Variants in ZFHX3 observed in about 807,000 individuals in gnomAD.
The protein encoded by ZFHX3 is zinc finger homeobox protein 3.
In ZFHX3, 42 loss-of-function variants were observed where a neutral mutation model predicts 279.1. That is an observed-to-expected ratio of 0.15 (90% CI 0.12 to 0.19). The LOEUF (loss-of-function observed/expected upper bound fraction) is 0.19. Among genes scored for constraint, ZFHX3 ranks in the 10% least tolerant of loss-of-function variants. The pLI, the probability that ZFHX3 is intolerant of heterozygous loss-of-function variation, is 1.00. For missense variants in ZFHX3, 4,981 were observed against 4,754.0 expected, an observed-to-expected ratio of 1.05 and a Z score of -1.40; for synonymous variants, 2,293 against 1,957.8, an observed-to-expected ratio of 1.17 and a Z score of -4.52.
Position 73,352,363 on chromosome 16 carries a change from T to C in ZFHX3, c.-1290-34027A>G, listed in dbSNP as rs146767894. 6.8e-4 allele frequency among the ~76,000 whole-genome samples: 104 copies of C among 152,236 alleles called. 1 individual carries two copies. The East Asian group carries it at 0.019, about 29-fold the overall frequency. On this transcript the variant is annotated intron_variant, in intron 3 of 17. Transcript: ENST00000641206. ...TAGCTTGACCTCTCTGTGCCTGGAC[T>C]GCATTTCTTCATCTTTGAAATGAGG...
chr16:73,709,028 G>A (rs1034151081), intron 1 of ZFHX3, among the ~76,000 whole-genome samples: 11 of 152,042 alleles, frequency 7.2e-5, no homozygotes, highest in Non-Finnish European at 1.5e-4. Context: ...ATTTTGGGGT[G>A]TCATTTCCTG....
chr16:73,362,247 G>A (rs761635890), intron 3 of ZFHX3, among the ~76,000 whole-genome samples: 8 of 152,198 alleles, frequency 5.3e-5, no homozygotes, highest in Non-Finnish European at 8.8e-5. Flanking sequence ...GAGGCACAAT[G>A]TTTTGTCTGA....
chr16:73,848,763 G>A (rs754002004), intron 1 of ZFHX3, among the ~76,000 whole-genome samples: 4 of 152,236 alleles, frequency 2.6e-5, no homozygotes, highest in Admixed American at 6.5e-5. Flanking sequence ...TTAGTACATC[G>A]CTATGAAGTA....
rs1295449104 is a variant in ZFHX3, at chr16:72,787,895, C to T, written c.10381G>A (p.Val3461Met). 1 of 1,614,072 alleles carries T rather than the reference C, an allele frequency of 6.2e-7. No individual in the cohort carries two copies. Among genetic ancestry groups the T allele is most frequent in the South Asian group, 1.1e-5 (1 of 91,080 alleles). The change falls in exon 10 of 10, where the codon GTG becomes ATG. Residue 3461 changes from valine (V) to methionine (M), a missense_variant. Transcript: ENST00000268489. ...SLYDPFIVPKVQYKLVCRKCQ... is the reference protein window; with the variant it reads ...SLYDPFIVPKMQYKLVCRKCQ... ...TTGCGGCAGACCAACTTGTACTGCA[C>T]CTTTGGAACAATGAAGGGGTCGTAG...
intron 1 of ZFHX3, among the ~76,000 whole-genome samples, chr16:72,990,092 A>G (rs746421495): frequency 6.6e-6 from 1 of 152,050 alleles, no homozygotes; most frequent in Non-Finnish European, 1.5e-5. Flanking sequence ...TGTTCAAATC[A>G]AAAAGCGCTA....
chr16:73,278,328 G>A (rs527399086), intron 4 of ZFHX3, among the ~76,000 whole-genome samples: 36 of 152,276 alleles, frequency 2.4e-4, no homozygotes, highest in Non-Finnish European at 3.7e-4. Context: ...TAATCCCAGC[G>A]TGCATGTTTT....
intron 3 of ZFHX3, among the ~76,000 whole-genome samples, chr16:73,358,573 C>T (rs901588976): frequency 2.0e-5 from 3 of 152,200 alleles, no homozygotes; most frequent in African/African-American, 7.2e-5. Flanking sequence ...CAGATTCCTG[C>T]CCTGTAGAAG....
chr16:73,164,817 C>T (rs763358438), intron 5 of ZFHX3, among the ~76,000 whole-genome samples: 17 of 152,072 alleles, frequency 1.1e-4, no homozygotes, highest in Non-Finnish European at 2.4e-4. Flanking sequence ...GTGTTTAATC[C>T]TCACAATGAC....
intron 2 of ZFHX3, among the ~76,000 whole-genome samples, chr16:73,571,376 T>C (rs1387526351): frequency 6.6e-6 from 1 of 152,206 alleles, no homozygotes; most frequent in African/African-American, 2.4e-5. Flanking sequence ...ATATAAGTAA[T>C]AAGCAAATTC....
Position 73,162,387 on chromosome 16 carries a change from T to A in ZFHX3, c.-1103-18556A>T, listed in dbSNP as rs186022631. ...GTCTCCCATCACCCCCACATGGGAC[T>A]CTTTGGCTGCAGGAAAACAAGTTCA... On this transcript the variant is annotated intron_variant, in intron 5 of 17. Transcript: ENST00000641206. 6.9e-3 allele frequency among the ~76,000 whole-genome samples: 1,049 copies of A among 152,330 alleles called. 8 individuals carry two copies. The highest frequency in any genetic ancestry group is 9.2e-3 in the Non-Finnish European group (629 of 68,032).
intron 4 of ZFHX3, among the ~76,000 whole-genome samples, chr16:72,880,040 C>T (rs80028392): frequency 1.1e-4 from 17 of 152,258 alleles, no homozygotes; most frequent in East Asian, 1.9e-4. Flanking sequence ...CCCCTTCCAG[C>T]GAGGTCGCAG....
intron 1 of ZFHX3, among the ~76,000 whole-genome samples, chr16:73,860,357 G>C (rs1184220206): frequency 1.4e-5 from 2 of 145,364 alleles, no homozygotes; most frequent in Non-Finnish European, 1.5e-5. Flanking sequence ...CTTCCATTTT[G>C]TTTCTGCTTT....
At chr16:73,714,497 G>A (rs958399212) in intron 1 of ZFHX3, among the ~76,000 whole-genome samples, 3 of 152,062 alleles carry the variant, frequency 2.0e-5, no homozygotes, top group African/African-American at 7.2e-5. Context: ...TCTTCCTAAG[G>A]TATTTGTGTC....
At chr16:72,975,200 G>C (rs2144521937) in intron 1 of ZFHX3, among the ~76,000 whole-genome samples, 1 of 152,270 alleles carries the variant, frequency 6.6e-6, no homozygotes, top group East Asian at 1.9e-4. Flanking sequence ...CCAGCACTTT[G>C]GGAGGCCGAG....
chr16:72,983,582 C>T (rs1040920192), intron 1 of ZFHX3, among the ~76,000 whole-genome samples: 3 of 152,194 alleles, frequency 2.0e-5, no homozygotes, highest in Non-Finnish European at 4.4e-5. Flanking sequence ...TGGCACCCAC[C>T]TGTAGTCCCA....
At chr16:72,903,605 A>G (rs1315623490) in intron 3 of ZFHX3, among the ~76,000 whole-genome samples, 12 of 152,286 alleles carry the variant, frequency 7.9e-5, no homozygotes, top group Non-Finnish European at 4.4e-5. Flanking sequence ...CCCACCACCC[A>G]TCTGCTCCAG....
intron 3 of ZFHX3, among the ~76,000 whole-genome samples, chr16:73,327,865 A>G (rs1287010226): frequency 6.6e-6 from 1 of 152,172 alleles, no homozygotes; most frequent in East Asian, 1.9e-4. Context: ...GAGGACCTTG[A>G]TGGTCTTGCT....
At chr16:73,318,038 G>T (rs1277937281) in intron 4 of ZFHX3, among the ~76,000 whole-genome samples, 1 of 152,226 alleles carries the variant, frequency 6.6e-6, no homozygotes, top group East Asian at 1.9e-4. Flanking sequence ...CAGAGGATAA[G>T]AATGCAAATG....
intron 6 of ZFHX3, among the ~76,000 whole-genome samples, chr16:73,133,001 G>C (rs1353324814): frequency 1.3e-5 from 2 of 152,210 alleles, no homozygotes; most frequent in African/African-American, 2.4e-5. Flanking sequence ...TGGAAGGCCA[G>C]CTGCTCCAGT....
Sources: allele counts gnomAD v4.1 joint callset (sites outside exome capture counted in the v4.1 genomes callset), GRCh38; gene constraint gnomAD v4.1.1; transcripts MANE v1.5; gene names NCBI Gene and HGNC (gene_info 2026-07-23, HGNC 2026-07-21).